GULP1: variants seen among roughly 807,000 people sequenced by gnomAD.
The protein encoded by GULP1 is PTB domain-containing engulfment adapter protein 1.
In GULP1, 19 loss-of-function variants were observed where a neutral mutation model predicts 40.9. That is an observed-to-expected ratio of 0.46 (90% CI 0.32 to 0.68). The LOEUF is 0.68. GULP1 is among the 30% of genes least tolerant of loss of function. The probability of loss-of-function intolerance (pLI) is 0.03; values close to 1 mark genes in which losing one functional copy is unlikely to be tolerated. For missense variants in GULP1, 312 were observed against 362.2 expected (o/e 0.86, Z 1.12); for synonymous variants, 119 against 117.6 (o/e 1.01, Z -0.08).
intron 1 of GULP1, among the ~76,000 whole-genome samples, chr2:188,324,303 A>T (rs2040441400): frequency 6.6e-6 from 1 of 152,102 alleles, no homozygotes; most frequent in South Asian, 2.1e-4. Flanking sequence ...AATTTGTTGT[A>T]GAGTCTCTGA....
At chr2:188,406,529 T>TA (rs1353345163) in intron 2 of GULP1, among the ~76,000 whole-genome samples, 5 of 151,942 alleles carry the variant, frequency 3.3e-5, no homozygotes, top group African/African-American at 1.2e-4. Context: ...AACTAATTTT[T>TA]AAAAAACATA....
At chr2:188,466,849 G>A (rs556483675) in intron 2 of GULP1, among the ~76,000 whole-genome samples, 2 of 151,860 alleles carry the variant, frequency 1.3e-5, no homozygotes, top group South Asian at 4.1e-4. Context: ...TGACAGGTAG[G>A]GATACTCACC....
At chr2:188,533,892 T>A (rs1688213966) in intron 6 of GULP1, among the ~76,000 whole-genome samples, 1 of 151,848 alleles carries the variant, frequency 6.6e-6, no homozygotes, top group African/African-American at 2.4e-5. Context: ...ATGCTCCGCA[T>A]CACTAATCAA....
intron 1 of GULP1, among the ~76,000 whole-genome samples, chr2:188,363,580 T>C (rs1207681375): frequency 6.6e-6 from 1 of 152,072 alleles, no homozygotes; most frequent in African/African-American, 2.4e-5. Context: ...GAATGAAGTG[T>C]TAGTCCAATT....
At chr2:188,347,614 ATTTT>A (rs10627846) in intron 1 of GULP1, among the ~76,000 whole-genome samples, 1 of 135,326 alleles carries the variant, frequency 7.4e-6, no homozygotes. Context: ...ATCTCAAAGC[ATTTT>A]TTTTTTTTTT....
At chr2:188,358,428 G>A (rs2045651496) in intron 1 of GULP1, among the ~76,000 whole-genome samples, 1 of 152,108 alleles carries the variant, frequency 6.6e-6, no homozygotes, top group African/African-American at 2.4e-5. Context: ...TTTTAGCACT[G>A]TAGGGTGAAT....
chr2:188,361,017 C>G (rs2046000119), intron 1 of GULP1, among the ~76,000 whole-genome samples: 2 of 152,056 alleles, frequency 1.3e-5, no homozygotes. Flanking sequence ...CAATTTAAAG[C>G]TCTTTGCCTT....
intron 6 of GULP1, among the ~76,000 whole-genome samples, chr2:188,531,616 A>G: frequency 6.6e-6 from 1 of 152,200 alleles, no homozygotes; most frequent in South Asian, 2.1e-4. Flanking sequence ...GGTGGCTGAA[A>G]ACAGAAAAAT....
chr2:188,366,384 C>A (rs2152410033), intron 1 of GULP1, among the ~76,000 whole-genome samples: 1 of 151,990 alleles, frequency 6.6e-6, no homozygotes, highest in East Asian at 1.9e-4. Flanking sequence ...ATGTGCAATT[C>A]AAGAGAAAAA....
chr2:188,391,731 A>G (rs137974306), intron 2 of GULP1, among the ~76,000 whole-genome samples: 371 of 152,032 alleles, frequency 2.4e-3, no homozygotes, highest in African/African-American at 7.9e-3. Flanking sequence ...ATTCAGTATG[A>G]TTTGGCTGTG....
chr2:188,568,665 C>G (rs1420596976), intron 7 of GULP1, among the ~76,000 whole-genome samples: 1 of 152,154 alleles, frequency 6.6e-6, no homozygotes, highest in African/African-American at 2.4e-5. Context: ...CTGACAGTTT[C>G]AGATTGGAAT....
At chr2:188,382,133 T>A (rs1162660441) in intron 1 of GULP1, among the ~76,000 whole-genome samples, 1 of 152,196 alleles carries the variant, frequency 6.6e-6, no homozygotes, top group African/African-American at 2.4e-5. Context: ...TAGTTCAGAC[T>A]GGCAAAATTT....
intron 1 of GULP1, among the ~76,000 whole-genome samples, chr2:188,297,306 A>C (rs932451335): frequency 2.0e-5 from 3 of 151,996 alleles, no homozygotes; most frequent in Non-Finnish European, 4.4e-5. Flanking sequence ...TACTCTTCTT[A>C]AGTAGAACAC....
At chr2:188,587,657 T>C (rs534585438) in intron 10 of GULP1, among the ~76,000 whole-genome samples, 198 bp from the exon 11 acceptor site, 2 of 152,268 alleles carry the variant, frequency 1.3e-5, no homozygotes, top group Admixed American at 6.5e-5. Context: ...AACTTTTTAA[T>C]ATCATAAAAT....
At chr2:188,392,643 G>A (rs1254526461) in intron 2 of GULP1, among the ~76,000 whole-genome samples, 1 of 151,710 alleles carries the variant, frequency 6.6e-6, no homozygotes, top group African/African-American at 2.4e-5. Flanking sequence ...TTTTGAGTTT[G>A]GTTTGTTCTT....
chr2:188,456,344 G>A (rs375284144), intron 2 of GULP1, among the ~76,000 whole-genome samples: 5 of 152,128 alleles, frequency 3.3e-5, no homozygotes, highest in African/African-American at 1.2e-4. Context: ...GGTTTTCTGG[G>A]CTGGGCCTGA....
intron 2 of GULP1, among the ~76,000 whole-genome samples, chr2:188,441,224 A>G (rs1386312389): frequency 6.6e-6 from 1 of 152,182 alleles, no homozygotes; most frequent in East Asian, 1.9e-4. Flanking sequence ...GCTTAGAGGA[A>G]ACCACAAGTT....
intron 2 of GULP1, among the ~76,000 whole-genome samples, chr2:188,395,173 C>G (rs537303576): frequency 6.6e-6 from 1 of 152,142 alleles, no homozygotes; most frequent in African/African-American, 2.4e-5. Flanking sequence ...GGGGAACAGT[C>G]GGAGGCACCT....
rs1416117039 is a variant in GULP1, at chr2:188,471,455, C to T, written c.-44-6204C>T. On this transcript the variant is annotated intron_variant, in intron 2 of 11. Coordinates refer to ENST00000409830, the MANE Select transcript of GULP1 (RefSeq NM_016315.4). ...GATCTTCTCTTCCTTTTTTCTTTCCCTCCTGTCTTCCTTTTATTGAAGGAG... is the reference window on the plus strand; with the variant it reads ...GATCTTCTCTTCCTTTTTTCTTTCCTTCCTGTCTTCCTTTTATTGAAGGAG... Among the ~76,000 whole-genome samples the T allele has an allele frequency of 2.6e-4, 39 of 151,870 alleles. 1 individual carries two copies. Among genetic ancestry groups the T allele is most frequent in the Admixed American group, 2.4e-3 (37 of 15,230 alleles).
Sources: allele counts gnomAD v4.1 joint callset (sites outside exome capture counted in the v4.1 genomes callset), GRCh38; gene constraint gnomAD v4.1.1; transcripts MANE v1.5; gene names NCBI Gene and HGNC (gene_info 2026-07-23, HGNC 2026-07-21).